Variants in EPHA6 observed in about 807,000 individuals in gnomAD.
EPHA6 encodes the protein EPH receptor A6.
Under a neutral mutation model 112.0 loss-of-function variants are expected in EPHA6, and 50 were observed. The ratio of observed to expected loss-of-function variants is 0.45; its 90% confidence interval spans 0.36 to 0.56. EPHA6 has a LOEUF of 0.56. Ranked by LOEUF, EPHA6 falls within the 20% of genes least tolerant of loss-of-function variation. The pLI is 0.00. For synonymous variants in EPHA6, 529 were observed against 490.7 expected, an observed-to-expected ratio of 1.08 and a Z score of -1.03; for missense variants, 1,280 against 1,417.4, an observed-to-expected ratio of 0.90 and a Z score of 1.56.
chr3:97,355,053 T>G (rs566006280), intron 5 of EPHA6, among the ~76,000 whole-genome samples: 11 of 152,250 alleles, frequency 7.2e-5, no homozygotes, highest in African/African-American at 2.6e-4. Flanking sequence ...ATAAAGATTT[T>G]CTGAGACAAG....
At chr3:96,946,182 T>G (rs1358806924) in intron 2 of EPHA6, among the ~76,000 whole-genome samples, 1 of 152,160 alleles carries the variant, frequency 6.6e-6, no homozygotes, top group African/African-American at 2.4e-5. Flanking sequence ...TTCTTTTTTT[T>G]TATTATTATA....
chr3:97,454,661 T>TA (rs1480353518), intron 7 of EPHA6, among the ~76,000 whole-genome samples: 1 of 151,878 alleles, frequency 6.6e-6, no homozygotes, highest in Non-Finnish European at 1.5e-5. Context: ...TTAGGTAGGG[T>TA]AAAATGACGA....
chr3:97,468,683 A>G (rs1310549571), intron 7 of EPHA6, among the ~76,000 whole-genome samples: 1 of 151,772 alleles, frequency 6.6e-6, no homozygotes, highest in African/African-American at 2.4e-5. Flanking sequence ...AGGGAATGTA[A>G]TGTAAAATTA....
chr3:97,691,290 A>T (rs1447931255), intron 14 of EPHA6, among the ~76,000 whole-genome samples: 1 of 152,300 alleles, frequency 6.6e-6, no homozygotes, highest in South Asian at 2.1e-4. Context: ...ATTCTATTCC[A>T]TTGACTTGTA....
chr3:97,226,651 C>T (rs1452266540), intron 4 of EPHA6, among the ~76,000 whole-genome samples: 1 of 152,122 alleles, frequency 6.6e-6, no homozygotes, highest in Non-Finnish European at 1.5e-5. Flanking sequence ...GTACAAATGC[C>T]AGCACTGGTT....
chr3:97,572,672 T>C (rs998174139), intron 11 of EPHA6: 2 of 152,178 alleles, frequency 1.3e-5, no homozygotes, highest in African/African-American at 4.8e-5. Context: ...ATTTTTATTT[T>C]AGGACTCCTC....
chr3:97,284,647 T>C (rs1229298909), intron 5 of EPHA6, among the ~76,000 whole-genome samples: 1 of 152,188 alleles, frequency 6.6e-6, no homozygotes, highest in East Asian at 1.9e-4. Flanking sequence ...TTCAGCACTA[T>C]GGAGTAGAAG....
intron 3 of EPHA6, among the ~76,000 whole-genome samples, chr3:97,095,988 G>C (rs1317922285): frequency 6.6e-6 from 1 of 151,878 alleles, no homozygotes; most frequent in Non-Finnish European, 1.5e-5. Context: ...GGCTCAGGAT[G>C]ATTCTAGAAC....
chr3:96,816,254 A>T (rs1393748614), intron 1 of EPHA6, among the ~76,000 whole-genome samples: 2 of 152,314 alleles, frequency 1.3e-5, no homozygotes, highest in African/African-American at 4.8e-5. Context: ...CCTAATTATT[A>T]CAGTTATTTT....
chr3:97,084,850 C>G (rs1181916548), intron 3 of EPHA6, among the ~76,000 whole-genome samples: 1 of 152,020 alleles, frequency 6.6e-6, no homozygotes, highest in East Asian at 1.9e-4. Context: ...ACCGAAACAG[C>G]ATGGTACTGG....
chr3:96,890,639 G>A (rs2037898220), intron 2 of EPHA6, among the ~76,000 whole-genome samples: 1 of 152,166 alleles, frequency 6.6e-6, no homozygotes, highest in African/African-American at 2.4e-5. Flanking sequence ...TTTTCAATAT[G>A]CACATAAAAA....
At chr3:96,982,402 G>T (rs572872396) in intron 2 of EPHA6, among the ~76,000 whole-genome samples, 1 of 152,164 alleles carries the variant, frequency 6.6e-6, no homozygotes, top group Non-Finnish European at 1.5e-5. Flanking sequence ...TAGTTTGATT[G>T]CACTGTGGTC....
intron 1 of EPHA6, among the ~76,000 whole-genome samples, chr3:96,823,370 TTC>T (rs2033416360): frequency 1.3e-5 from 2 of 151,742 alleles, no homozygotes; most frequent in Non-Finnish European, 3.0e-5. Flanking sequence ...GTTTAAATGA[TTC>T]TATTTGTTAA....
chr3:97,722,796 A>T (rs1455479247), intron 15 of EPHA6, among the ~76,000 whole-genome samples: 1 of 152,138 alleles, frequency 6.6e-6, no homozygotes, highest in Non-Finnish European at 1.5e-5. Context: ...AGTAATAATC[A>T]TTCTAATTAG....
intron 5 of EPHA6, among the ~76,000 whole-genome samples, chr3:97,299,241 T>G (rs1211507423): frequency 3.4e-5 from 5 of 149,070 alleles, no homozygotes; most frequent in African/African-American, 9.9e-5. Context: ...GTGTGTGTAG[T>G]GGGGAGTGTG....
intron 3 of EPHA6, among the ~76,000 whole-genome samples, chr3:97,216,461 T>C (rs1462686092): frequency 6.6e-6 from 1 of 152,060 alleles, no homozygotes; most frequent in Non-Finnish European, 1.5e-5. Flanking sequence ...CCAAACCACA[T>C]CAATGTCAAC....
chr3:96,894,277 A>G (rs970723396), intron 2 of EPHA6, among the ~76,000 whole-genome samples: 1 of 152,176 alleles, frequency 6.6e-6, no homozygotes, highest in Non-Finnish European at 1.5e-5. Flanking sequence ...AGTTGCTGCT[A>G]TGCCAGTGAA....
chr3:96,999,144 A>G (rs888719016), intron 3 of EPHA6, among the ~76,000 whole-genome samples: 2 of 151,912 alleles, frequency 1.3e-5, no homozygotes, highest in African/African-American at 4.8e-5. Context: ...ATTTGGGTCT[A>G]TCATGTACTT....
At chr3:97,351,939 A>C (rs2083836050) in intron 5 of EPHA6, among the ~76,000 whole-genome samples, 1 of 152,102 alleles carries the variant, frequency 6.6e-6, no homozygotes, top group South Asian at 2.1e-4. Context: ...TTTATTAATA[A>C]ACATACCCCC....
Sources: allele counts gnomAD v4.1 joint callset (sites outside exome capture counted in the v4.1 genomes callset), GRCh38; gene constraint gnomAD v4.1.1; transcripts MANE v1.5; gene names NCBI Gene and HGNC (gene_info 2026-07-23, HGNC 2026-07-21).